PIK3C2G: variants seen among roughly 807,000 people sequenced by gnomAD.
PIK3C2G encodes phosphatidylinositol-4-phosphate 3-kinase catalytic subunit type 2 gamma, also known as phosphatidylinositol 3-kinase C2 domain-containing subunit gamma.
A neutral mutation model predicts 181.1 loss-of-function variants in PIK3C2G; 168 were observed. The observed-to-expected ratio is 0.93, with a 90% CI of 0.82 to 1.05. The LOEUF (loss-of-function observed/expected upper bound fraction) is 1.05, where lower values mean the gene tolerates loss of function less well. PIK3C2G is among the 50% of genes least tolerant of loss of function. PIK3C2G has a pLI of 0.00. For missense variants in PIK3C2G, 1,869 were observed against 1,732.8 expected (o/e 1.08, Z -1.40); for synonymous variants, 573 against 592.2 (o/e 0.97, Z 0.47).
chr12:18,517,696 C>A (rs1475805700), intron 24 of PIK3C2G, among the ~76,000 whole-genome samples: 2 of 152,154 alleles, frequency 1.3e-5, no homozygotes, highest in Non-Finnish European at 2.9e-5. Context: ...AATTTGACTT[C>A]CTCTCTTCCT....
intron 32 of PIK3C2G, among the ~76,000 whole-genome samples, chr12:18,643,777 G>A (rs1226727066): frequency 6.6e-6 from 1 of 151,874 alleles, no homozygotes; most frequent in African/African-American, 2.4e-5. Context: ...AGTTATCACA[G>A]GGCATCTACC....
intron 1 of PIK3C2G, among the ~76,000 whole-genome samples, chr12:18,276,400 A>G (rs1948988461): frequency 6.6e-6 from 1 of 152,178 alleles, no homozygotes; most frequent in Non-Finnish European, 1.5e-5. Context: ...CAACTGCTTT[A>G]TTATATTTAA....
At position 18,516,284 on chromosome 12, in the gene PIK3C2G, C is replaced by A. The variant is rs1369781921; in HGVS notation, c.3323+10823C>A. 2.1e-5 allele frequency among the ~76,000 whole-genome samples: 3 copies of A among 140,938 alleles called. No individual in the cohort carries two copies. The South Asian group carries it at 6.6e-4, about 31-fold the overall frequency. The allele number at this position is 140,938 out of a possible 152,430, so 92.5% of individuals were successfully genotyped here. ...TGGTTTTTTTTTTTTTTTCATTCAGCATTTTGAATATGTTATCCTGCTTTC... is the reference window on the plus strand; with the variant it reads ...TGGTTTTTTTTTTTTTTTCATTCAGAATTTTGAATATGTTATCCTGCTTTC... On this transcript the variant is annotated intron_variant, in intron 24 of 32. Transcript: ENST00000538779.
chr12:18,606,056 T>C (rs890017823), intron 30 of PIK3C2G, among the ~76,000 whole-genome samples: 1 of 152,146 alleles, frequency 6.6e-6, no homozygotes, highest in Non-Finnish European at 1.5e-5. Flanking sequence ...GCCTCTCTAC[T>C]CCTACTGCTA....
intron 29 of PIK3C2G, among the ~76,000 whole-genome samples, chr12:18,579,458 G>A (rs1011367528): frequency 3.0e-4 from 45 of 152,266 alleles, no homozygotes; most frequent in African/African-American, 9.4e-4. Context: ...TGGGCAAGAG[G>A]TCTCTGGGGA....
chr12:18,359,635 G>A (rs1223014165), intron 11 of PIK3C2G, among the ~76,000 whole-genome samples: 5 of 152,094 alleles, frequency 3.3e-5, no homozygotes, highest in Non-Finnish European at 5.9e-5. Context: ...GTGTTCTGAC[G>A]TTGGGTACAG....
At chr12:18,340,352 T>C (rs1939014474) in intron 9 of PIK3C2G, among the ~76,000 whole-genome samples, 1 of 152,166 alleles carries the variant, frequency 6.6e-6, no homozygotes, top group African/African-American at 2.4e-5. Context: ...TTGGGCCACA[T>C]TCAATGTCAT....
chr12:18,644,650 C>A (rs936954156), intron 32 of PIK3C2G, among the ~76,000 whole-genome samples: 14 of 152,064 alleles, frequency 9.2e-5, no homozygotes, highest in Non-Finnish European at 1.0e-4. Flanking sequence ...ATTGCAATTT[C>A]AACATGATGA....
At chr12:18,392,015 C>T (rs10841021) in intron 15 of PIK3C2G, among the ~76,000 whole-genome samples, 22,262 of 151,932 alleles carry the variant, frequency 0.15, 2,056 homozygotes, top group South Asian at 0.37. Context: ...ATACCTTTGA[C>T]GACAAGTTGA....
At chr12:18,696,275 GAATA>G in the PIK3C2G span, 1 of 1,297,164 alleles carries the variant, frequency 7.7e-7, no homozygotes, top group Non-Finnish European at 1.1e-6. Flanking sequence ...GACTGAAAAA[GAATA>G]ATTAAAACAT....
chr12:18,487,096 T>TTGTATGTG (rs1940117570), intron 18 of PIK3C2G, among the ~76,000 whole-genome samples: 1 of 142,200 alleles, frequency 7.0e-6, no homozygotes, highest in East Asian at 2.1e-4. Flanking sequence ...TTGAGGTATT[T>TTGTATGTG]TGTGTGTGTG....
intron 18 of PIK3C2G, among the ~76,000 whole-genome samples, chr12:18,470,448 T>C (rs554590618): frequency 1.3e-5 from 2 of 152,228 alleles, no homozygotes; most frequent in African/African-American, 4.8e-5. Flanking sequence ...CACAGCCCCA[T>C]GCGGTTAGGG....
At chr12:18,253,424 A>G (rs1166458567) in intron 1 of PIK3C2G, among the ~76,000 whole-genome samples, 1 of 152,182 alleles carries the variant, frequency 6.6e-6, no homozygotes, top group Non-Finnish European at 1.5e-5. Context: ...AGGTATGTGA[A>G]TAAAACACCG....
chr12:18,520,782 TAGG>T (rs1942862549), intron 24 of PIK3C2G, among the ~76,000 whole-genome samples: 3 of 152,164 alleles, frequency 2.0e-5, no homozygotes, highest in African/African-American at 7.2e-5. Flanking sequence ...CAGTCAGTTG[TAGG>T]AGATGAGGCA....
chr12:18,665,462 C>T, the PIK3C2G span, among the ~76,000 whole-genome samples: 1 of 152,150 alleles, frequency 6.6e-6, no homozygotes, highest in African/African-American at 2.4e-5. Flanking sequence ...TGTAATTTCT[C>T]TATTTTGTCT....
chr12:18,436,932 T>C (rs1046359489), intron 18 of PIK3C2G, among the ~76,000 whole-genome samples: 4 of 151,924 alleles, frequency 2.6e-5, no homozygotes, highest in African/African-American at 7.2e-5. Context: ...TCTAGTTATC[T>C]GGCAAAAAAG....
intron 11 of PIK3C2G, among the ~76,000 whole-genome samples, chr12:18,360,453 T>C (rs1314238763): frequency 1.3e-5 from 2 of 152,194 alleles, no homozygotes; most frequent in Non-Finnish European, 2.9e-5. Context: ...TATTTACCTT[T>C]ACCGGTGAGT....
the PIK3C2G span, among the ~76,000 whole-genome samples, chr12:18,657,527 T>C: frequency 6.6e-6 from 1 of 152,174 alleles, no homozygotes; most frequent in African/African-American, 2.4e-5. Context: ...TTCTAATTTT[T>C]TGTTGTTGTT....
At chr12:18,723,270 A>C in the PIK3C2G span, 2 of 1,511,134 alleles carry the variant, frequency 1.3e-6, no homozygotes, top group African/African-American at 2.8e-5. Flanking sequence ...AAAATACTTC[A>C]CATATAAATA....
Sources: gnomAD v4.1 joint callset for allele counts (sites outside exome capture counted in the v4.1 genomes callset) on GRCh38, gnomAD v4.1.1 for gene constraint, MANE v1.5 for transcripts, NCBI Gene and HGNC (gene_info 2026-07-23, HGNC 2026-07-21) for gene names.